UMAD1: variants seen among roughly 807,000 people sequenced by gnomAD.
UMAD1 encodes UBAP1-MVB12-associated (UMA) domain containing 1.
Under a neutral mutation model 6.1 loss-of-function variants are expected in UMAD1, and 8 were observed. The observed-to-expected ratio is 1.30, with a 90% CI of 0.76 to 2.35. The LOEUF (loss-of-function observed/expected upper bound fraction) is 2.35, where lower values mean the gene tolerates loss of function less well. Among genes scored for constraint, UMAD1 ranks in the 30% most tolerant of loss-of-function variants. UMAD1 has a pLI of 0.00. For missense variants in UMAD1, 130 were observed against 78.4 expected (o/e 1.66, Z -2.49); for synonymous variants, 56 against 31.4 (o/e 1.78, Z -2.61).
At chr7:7,827,591 A>G (rs544922268) in intron 3 of UMAD1, among the ~76,000 whole-genome samples, 1 of 152,184 alleles carries the variant, frequency 6.6e-6, no homozygotes, top group Admixed American at 6.5e-5. Flanking sequence ...CCAACTAAAG[A>G]TAACTTTTGA....
At chr7:7,711,514 T>G (rs1780763403) in intron 2 of UMAD1, among the ~76,000 whole-genome samples, 1 of 152,222 alleles carries the variant, frequency 6.6e-6, no homozygotes, top group South Asian at 2.1e-4. Flanking sequence ...CTTTTTAACA[T>G]GTAATACTGT....
intron 2 of UMAD1, among the ~76,000 whole-genome samples, chr7:7,771,385 A>T (rs1027518230): frequency 6.6e-6 from 1 of 152,166 alleles, no homozygotes; most frequent in Non-Finnish European, 1.5e-5. Context: ...GCTATATGGC[A>T]AAGCTGATGG....
At chr7:7,757,244 TCA>T (rs1369390173) in intron 2 of UMAD1, among the ~76,000 whole-genome samples, 1 of 152,202 alleles carries the variant, frequency 6.6e-6, no homozygotes, top group Non-Finnish European at 1.5e-5. Flanking sequence ...TCCTTTATTT[TCA>T]CATTTTTTCA....
intron 3 of UMAD1, among the ~76,000 whole-genome samples, chr7:7,806,986 A>C (rs550145142): frequency 1.5e-3 from 225 of 152,278 alleles, no homozygotes; most frequent in African/African-American, 5.4e-3. Flanking sequence ...TTCTTTTGGC[A>C]AGTTCAGATA....
chr7:7,710,129 C>G (rs1226030750), intron 2 of UMAD1, among the ~76,000 whole-genome samples: 2 of 152,058 alleles, frequency 1.3e-5, no homozygotes, highest in Non-Finnish European at 2.9e-5. Flanking sequence ...ATCTTTAGTT[C>G]TTTCATTTTT....
intron 3 of UMAD1, among the ~76,000 whole-genome samples, chr7:7,837,875 AATAGGGTGAC>A (rs993249997): frequency 6.6e-6 from 1 of 152,156 alleles, no homozygotes; most frequent in African/African-American, 2.4e-5. Flanking sequence ...GGTTTTGAGA[AATAGGGTGAC>A]ATAACTACAA....
intron 3 of UMAD1, among the ~76,000 whole-genome samples, chr7:7,828,335 T>C (rs1418373778): frequency 6.6e-6 from 1 of 152,158 alleles, no homozygotes; most frequent in African/African-American, 2.4e-5. Flanking sequence ...CTCTCCCTAT[T>C]TGAGGAGTTG....
chr7:7,710,586 A>G (rs1427591498), intron 2 of UMAD1, among the ~76,000 whole-genome samples: 1 of 152,202 alleles, frequency 6.6e-6, no homozygotes, highest in African/African-American at 2.4e-5. Context: ...GAGAATCTGG[A>G]TCACTTATTG....
chr7:7,745,600 G>C (rs576437129), intron 2 of UMAD1, among the ~76,000 whole-genome samples: 49 of 152,324 alleles, frequency 3.2e-4, no homozygotes, highest in African/African-American at 1.1e-3. Context: ...ATAGTCTAGC[G>C]AACAGGTCAG....
chr7:7,665,890 C>T (rs545450487), intron 1 of UMAD1, among the ~76,000 whole-genome samples: 3 of 151,272 alleles, frequency 2.0e-5, no homozygotes, highest in East Asian at 3.9e-4. Flanking sequence ...CTTTTACTAC[C>T]GAATGGGATG....
intron 3 of UMAD1, among the ~76,000 whole-genome samples, chr7:7,837,588 G>T (rs1044738707): frequency 6.6e-6 from 1 of 151,818 alleles, no homozygotes; most frequent in Non-Finnish European, 1.5e-5. Flanking sequence ...CTAAAGAAAA[G>T]AAATAGTATA....
chr7:7,775,604 T>C (rs557543893), intron 2 of UMAD1, among the ~76,000 whole-genome samples: 1 of 152,302 alleles, frequency 6.6e-6, no homozygotes, highest in East Asian at 1.9e-4. Context: ...AATGGACTAA[T>C]ACACTACTAC....
intron 2 of UMAD1, among the ~76,000 whole-genome samples, chr7:7,787,977 G>C (rs188999804): frequency 1.1e-4 from 17 of 152,208 alleles, no homozygotes; most frequent in Non-Finnish European, 2.4e-4. Context: ...AAATTTTTCT[G>C]AGACTATTGC....
intron 2 of UMAD1, among the ~76,000 whole-genome samples, chr7:7,690,789 C>A (rs1038814365): frequency 6.6e-6 from 1 of 152,086 alleles, no homozygotes; most frequent in Non-Finnish European, 1.5e-5. Context: ...GCATTCCCTT[C>A]ACATATAAAT....
At chr7:7,678,051 G>C (rs1238675332) in intron 2 of UMAD1, among the ~76,000 whole-genome samples, 1 of 152,108 alleles carries the variant, frequency 6.6e-6, no homozygotes, top group Non-Finnish European at 1.5e-5. Flanking sequence ...AATAAACATG[G>C]GAATGTGGAC....
At chr7:7,662,209 C>T (rs1396538620) in intron 1 of UMAD1, among the ~76,000 whole-genome samples, 2 of 152,106 alleles carry the variant, frequency 1.3e-5, no homozygotes, top group Non-Finnish European at 2.9e-5. Flanking sequence ...GTGCTGGCAG[C>T]GATAATTTCA....
intron 2 of UMAD1, among the ~76,000 whole-genome samples, chr7:7,769,211 T>C (rs1782053579): frequency 6.6e-6 from 1 of 152,214 alleles, no homozygotes; most frequent in Admixed American, 6.5e-5. Flanking sequence ...GAAATAGTTG[T>C]AGAGATAGGA....
At chr7:7,682,900 T>A (rs142655103) in intron 2 of UMAD1, among the ~76,000 whole-genome samples, 47 of 152,348 alleles carry the variant, frequency 3.1e-4, no homozygotes, top group African/African-American at 1.1e-3. Flanking sequence ...GAGTTGTGTG[T>A]CTAATGGATA....
chr7:7,802,769 C>G (rs1478438728), intron 3 of UMAD1, among the ~76,000 whole-genome samples: 3 of 152,080 alleles, frequency 2.0e-5, no homozygotes, highest in Non-Finnish European at 2.9e-5. Context: ...ACCATGGTTC[C>G]CTAATGCCTA....
Sources: allele counts gnomAD v4.1 joint callset (sites outside exome capture counted in the v4.1 genomes callset), GRCh38; gene constraint gnomAD v4.1.1; transcripts MANE v1.5; gene names NCBI Gene and HGNC (gene_info 2026-07-23, HGNC 2026-07-21).